The following EPM2A variants were observed in gnomAD, a reference collection of about 807,000 sequenced individuals.
EPM2A encodes the protein EPM2A glucan phosphatase, laforin.
Under a neutral mutation model 26.5 loss-of-function variants are expected in EPM2A, and 21 were observed. That is an observed-to-expected ratio of 0.79 (90% confidence interval 0.56 to 1.14). The LOEUF is 1.14. EPM2A is among the 50% of genes most tolerant of loss of function. The pLI, the probability that EPM2A is intolerant of heterozygous loss-of-function variation, is 0.00. For missense variants in EPM2A, 458 were observed against 440.8 expected, an observed-to-expected ratio of 1.04 and a Z score of -0.35; for synonymous variants, 217 against 177.6, an observed-to-expected ratio of 1.22 and a Z score of -1.76.
At chr6:145,447,532 C>T (rs1420862608) in intron 4 of EPM2A, among the ~76,000 whole-genome samples, 2 of 144,338 alleles carry the variant, frequency 1.4e-5, no homozygotes, top group Admixed American at 6.6e-5. Context: ...CAGTATTTTT[C>T]CCAAACACAG....
intron 2 of EPM2A, among the ~76,000 whole-genome samples, chr6:145,528,676 G>A (rs1472971895): frequency 3.3e-5 from 5 of 152,104 alleles, no homozygotes; most frequent in African/African-American, 4.8e-5. Flanking sequence ...TATACAAGAA[G>A]ATTATTAATG....
At chr6:145,594,604 A>G (rs905103025) in intron 2 of EPM2A, among the ~76,000 whole-genome samples, 4 of 152,080 alleles carry the variant, frequency 2.6e-5, no homozygotes, top group Admixed American at 2.0e-4. Flanking sequence ...ATTCTACACC[A>G]TAACAAAGTT....
intron 2 of EPM2A, among the ~76,000 whole-genome samples, chr6:145,656,042 G>C (rs78051094): frequency 0.023 from 3,428 of 152,228 alleles, 48 homozygotes; most frequent in Admixed American, 0.031. Flanking sequence ...TTCAGAGCAA[G>C]TCAAAAAATC....
intron 2 of EPM2A, among the ~76,000 whole-genome samples, chr6:145,653,658 A>G (rs994735476): frequency 6.6e-6 from 1 of 152,210 alleles, no homozygotes; most frequent in African/African-American, 2.4e-5. Flanking sequence ...CAAAACCTGC[A>G]GGGTAGGCTG....
rs550292870 is a variant in EPM2A at position 145,571,553 on chromosome 6, G to T, written c.340+63692C>A. On this transcript the variant is annotated intron_variant, in intron 2 of 3. Transcript: ENST00000450221. ...TAGAGTAAGTGTCCATTTCAGTGAGGACAAACCTCTACCCTTTCCATTATG... is the reference window on the plus strand; with the variant it reads ...TAGAGTAAGTGTCCATTTCAGTGAGTACAAACCTCTACCCTTTCCATTATG... Among the ~76,000 whole-genome samples, 7 of 152,282 alleles carry T rather than the reference G, an allele frequency of 4.6e-5. No homozygotes were observed. The South Asian group carries it at 1.5e-3, about 32-fold the overall frequency.
rs1225857625 is a variant in EPM2A, at chr6:145,385,181, T to C, written c.556-1084A>G. On this transcript the variant is annotated intron_variant, in intron 4 of 4. Coordinates refer to the EPM2A transcript ENST00000638717. ...ATTTAAAAAATAACGTGGAGACCTA[T>C]GGGAGCTGGTGTACATCTTTGAGAA... Among the ~76,000 whole-genome samples the C allele has an allele frequency of 2.0e-5, 3 of 147,616 alleles. 1 individual carries two copies. The highest frequency in any genetic ancestry group is 7.5e-5 in the African/African-American group (3 of 39,804).
At chr6:145,503,414 T>C (rs1241245621) in intron 2 of EPM2A, among the ~76,000 whole-genome samples, 1 of 130,384 alleles carries the variant, frequency 7.7e-6, no homozygotes, top group East Asian at 2.2e-4. Context: ...ACAAAATCAA[T>C]GTACAAAAAT....
chr6:145,495,210 G>A (rs1779801352), intron 4 of EPM2A, among the ~76,000 whole-genome samples: 1 of 151,994 alleles, frequency 6.6e-6, no homozygotes, highest in Non-Finnish European at 1.5e-5. Context: ...AGCTCTTCTT[G>A]CTGAATTGAA....
At chr6:145,688,067 G>T (rs1781048931) in intron 1 of EPM2A, among the ~76,000 whole-genome samples, 1 of 152,016 alleles carries the variant, frequency 6.6e-6, no homozygotes, top group African/African-American at 2.4e-5. Context: ...TTCTTCTACA[G>T]ATATTTATTG....
At chr6:145,555,562 T>C (rs1358115284) in intron 2 of EPM2A, among the ~76,000 whole-genome samples, 1 of 152,052 alleles carries the variant, frequency 6.6e-6, no homozygotes, top group African/African-American at 2.4e-5. Context: ...AATCCAAAAA[T>C]AATTGAAAGT....
In EPM2A at chr6:145,625,439, C is replaced by A; in HGVS notation, c.*1977G>T. The stretch of plus-strand genomic sequence containing the variant: ...CCTAAACTGATTTTGTCTATCAGAG[C>A]AAAAGGAACAAAGGTAAAAATCCAC... On this transcript the variant is annotated 3_prime_UTR_variant, in exon 4 of 4. Coordinates refer to ENST00000367519, the MANE Select transcript of EPM2A (RefSeq NM_005670.4). 1 of 466,970 alleles carries A rather than the reference C, an allele frequency of 2.1e-6. No individual in the cohort carries two copies. Among genetic ancestry groups the A allele is most frequent in the Non-Finnish European group, 3.8e-6 (1 of 261,256 alleles). The allele number at this position is 466,970 out of a possible 1,614,324, so 28.9% of individuals were successfully genotyped here. A position where few individuals can be genotyped will look rare whatever the true frequency, so the allele number is the denominator to read the frequency against.
chr6:145,658,818 G>A (rs1314292246), intron 2 of EPM2A, among the ~76,000 whole-genome samples: 2 of 152,110 alleles, frequency 1.3e-5, no homozygotes, highest in African/African-American at 4.8e-5. Flanking sequence ...TCTTGTCAGT[G>A]GATTAGCTGC....
chr6:145,604,243 CCTT>C (rs1781454213), intron 2 of EPM2A, among the ~76,000 whole-genome samples: 1 of 151,948 alleles, frequency 6.6e-6, no homozygotes, highest in Admixed American at 6.6e-5. Context: ...AGTAGTTTGT[CCTT>C]CTTGGGAATT....
At chr6:145,718,806 G>A (rs1775787230) in intron 1 of EPM2A, among the ~76,000 whole-genome samples, 1 of 152,122 alleles carries the variant, frequency 6.6e-6, no homozygotes, top group African/African-American at 2.4e-5. Context: ...AAAACAAGTG[G>A]GCGAAGGACA....
intron 4 of EPM2A, among the ~76,000 whole-genome samples, chr6:145,471,232 G>A (rs756993661): frequency 1.1e-4 from 17 of 152,120 alleles, no homozygotes; most frequent in Non-Finnish European, 2.4e-4. Context: ...ATGATCGTAG[G>A]AGGATTTAGG....
chr6:145,383,478 G>A (rs1778217532), exon 5 of EPM2A: 2 of 152,260 alleles, frequency 1.3e-5, no homozygotes, highest in Non-Finnish European at 1.5e-5. Context: ...CAAAGGGGAA[G>A]CAGATACATC....
At chr6:145,389,671 G>T (rs1349434749) in intron 4 of EPM2A, among the ~76,000 whole-genome samples, 1 of 152,110 alleles carries the variant, frequency 6.6e-6, no homozygotes, top group African/African-American at 2.4e-5. Context: ...GGTGAATAAA[G>T]GAACAAATTA....
rs1775859507 is a variant in EPM2A, at chr6:145,627,031, C to A, written c.*385G>T. The A allele has an allele frequency of 1.7e-6, 2 of 1,146,522 alleles. No homozygotes were observed. Among genetic ancestry groups the A allele is most frequent in the Admixed American group, 4.5e-5 (1 of 22,272 alleles). 71.0% of individuals were successfully genotyped at this position (1,146,522 alleles called of 1,614,324 possible). A position where few individuals can be genotyped will look rare whatever the true frequency, so the allele number is the denominator to read the frequency against. ...TGATGAAATCCACATAACTCCATAT[C>A]TTTTCCTCTACATGGCCAAGAGTTT... On this transcript the variant is annotated 3_prime_UTR_variant, in exon 4 of 4. Transcript: ENST00000367519.
chr6:145,514,848 G>A (rs1297932243), intron 2 of EPM2A, among the ~76,000 whole-genome samples: 1 of 152,094 alleles, frequency 6.6e-6, no homozygotes, highest in Non-Finnish European at 1.5e-5. Context: ...AAATTTGAAG[G>A]CTCCACTGAC....
Sources: allele counts gnomAD v4.1 joint callset (sites outside exome capture counted in the v4.1 genomes callset), GRCh38; gene constraint gnomAD v4.1.1; transcripts MANE v1.5; gene names NCBI Gene and HGNC (gene_info 2026-07-23, HGNC 2026-07-21).